UBASH3B: variants seen among roughly 807,000 people sequenced by gnomAD.
The protein encoded by UBASH3B is ubiquitin-associated and SH3 domain-containing protein B.
UBASH3B carries 37 observed loss-of-function variants against 83.4 expected under a neutral mutation model. The ratio of observed to expected loss-of-function variants is 0.44; its 90% CI spans 0.34 to 0.58. UBASH3B has a LOEUF of 0.58. UBASH3B is among the 20% of genes least tolerant of loss of function. The pLI is 0.01. For missense variants in UBASH3B, 657 were observed against 827.2 expected, an observed-to-expected ratio of 0.79 and a Z score of 2.52; for synonymous variants, 304 against 318.3, an observed-to-expected ratio of 0.96 and a Z score of 0.48.
intron 1 of UBASH3B, among the ~76,000 whole-genome samples, chr11:122,741,084 C>T (rs11218788): frequency 0.33 from 50,343 of 152,018 alleles, 10,054 homozygotes; most frequent in Middle Eastern, 0.5. Flanking sequence ...CCAGGTTATT[C>T]GCTCTTTTCA....
chr11:122,689,981 G>T (rs1863861410), intron 1 of UBASH3B, among the ~76,000 whole-genome samples: 1 of 151,402 alleles, frequency 6.6e-6, no homozygotes, highest in Non-Finnish European at 1.5e-5. Flanking sequence ...ACCAAACCCC[G>T]CCTTCTTGGG....
chr11:122,665,391 C>T (rs1863502807), intron 1 of UBASH3B, among the ~76,000 whole-genome samples: 2 of 152,132 alleles, frequency 1.3e-5, no homozygotes, highest in South Asian at 4.2e-4. Flanking sequence ...GGGGGTCTCA[C>T]TACATTGCCC....
chr11:122,681,135 GCT>G (rs1263439749), intron 1 of UBASH3B, among the ~76,000 whole-genome samples: 2 of 152,156 alleles, frequency 1.3e-5, no homozygotes, highest in Non-Finnish European at 2.9e-5. Flanking sequence ...TTGAAACCTT[GCT>G]CTTTCATAGT....
rs144321725 is a variant in UBASH3B at position 122,761,023 on chromosome 11, G to A, written c.162-15196G>A. ...TGACCAGCAGGATGGGTTTGACTGC[G>A]CAGGAGTTTTTGCCATGACGGTATT... On this transcript the variant is annotated intron_variant, in intron 1 of 13. Coordinates refer to ENST00000284273, the MANE Select transcript of UBASH3B (RefSeq NM_032873.5). Among the ~76,000 whole-genome samples the A allele has an allele frequency of 1.7e-3, 256 of 152,298 alleles. 2 individuals carry two copies. The highest frequency in any genetic ancestry group is 6.1e-3 in the African/African-American group (252 of 41,554).
intron 1 of UBASH3B, among the ~76,000 whole-genome samples, chr11:122,660,933 C>G (rs147505124): frequency 1.3e-3 from 194 of 152,280 alleles, no homozygotes; most frequent in African/African-American, 4.2e-3. Context: ...TCTATTTAAC[C>G]TCTTTTCCTT....
chr11:122,674,484 C>T (rs957692943), intron 1 of UBASH3B, among the ~76,000 whole-genome samples: 2 of 151,094 alleles, frequency 1.3e-5, no homozygotes, highest in Non-Finnish European at 2.9e-5. Flanking sequence ...CGGTTCACGC[C>T]ATTCTCCTGC....
At chr11:122,693,066 T>C (rs1296492973) in intron 1 of UBASH3B, among the ~76,000 whole-genome samples, 5 of 152,168 alleles carry the variant, frequency 3.3e-5, no homozygotes, top group Middle Eastern at 3.4e-3. Context: ...ACAAAGTACA[T>C]TCTCAAGGGT....
chr11:122,680,015 G>A (rs571566694), intron 1 of UBASH3B, among the ~76,000 whole-genome samples: 7 of 152,216 alleles, frequency 4.6e-5, no homozygotes, highest in Admixed American at 4.6e-4. Context: ...ATTTTTAGTA[G>A]AGATGGGGTT....
chr11:122,690,852 T>C (rs966959667), intron 1 of UBASH3B, among the ~76,000 whole-genome samples: 7 of 152,198 alleles, frequency 4.6e-5, no homozygotes, highest in South Asian at 4.1e-4. Context: ...GAGTCAGACT[T>C]GTCATCTTGC....
intron 1 of UBASH3B, among the ~76,000 whole-genome samples, chr11:122,754,355 A>G (rs1253262449): frequency 6.6e-6 from 1 of 152,224 alleles, no homozygotes; most frequent in African/African-American, 2.4e-5. Flanking sequence ...TTCCTGAAGA[A>G]TCATTCTTTT....
Position 122,777,192 on chromosome 11 carries a change from A to T in UBASH3B, c.384A>T (p.Thr128=). 1 of 1,612,522 alleles carries T rather than the reference A, an allele frequency of 6.2e-7. No individual in the cohort carries two copies. Among genetic ancestry groups the T allele is most frequent in the South Asian group, 1.1e-5 (1 of 90,854 alleles). The stretch of plus-strand genomic sequence containing the variant: ...CACACAACATCTTCCCCCACATCAC[A>T]CTCTGCCAGTTCTTTATGGTGAGCG... ...NKAHNIFPHI[T]LCQFFMCEDS... Residue 128 remains threonine (T), a synonymous_variant, in exon 3 of 14, where the codon ACA becomes ACT. Coordinates refer to ENST00000284273, the MANE Select transcript of UBASH3B (RefSeq NM_032873.5).
intron 6 of UBASH3B, among the ~76,000 whole-genome samples, chr11:122,791,731 G>T (rs1861058040): frequency 6.6e-6 from 1 of 152,170 alleles, no homozygotes; most frequent in Non-Finnish European, 1.5e-5. Context: ...TGGCATGGTG[G>T]GAGTTGCCCA....
Position 122,812,770 on chromosome 11 carries a change from G to A in UBASH3B, c.*2884G>A, listed in dbSNP as rs529975484. The A allele has an allele frequency of 1.1e-4, 17 of 152,276 alleles. No individual in the cohort carries two copies. Among genetic ancestry groups the A allele is most frequent in the African/African-American group, 3.8e-4 (16 of 41,562 alleles). The allele number at this position is 152,276 out of a possible 1,614,324, so 9.4% of individuals were successfully genotyped here. On this transcript the variant is annotated 3_prime_UTR_variant, in exon 14 of 14. Transcript: ENST00000284273. The stretch of plus-strand genomic sequence containing the variant: ...TTGTTTCCTGTGATTTTAAAATACC[G>A]CGTCTGTTCCTCCATGGACCAGAGT...
At chr11:122,720,381 A>G (rs763453466) in intron 1 of UBASH3B, among the ~76,000 whole-genome samples, 6 of 152,086 alleles carry the variant, frequency 3.9e-5, no homozygotes, top group Admixed American at 6.5e-5. Context: ...TCTTGCTTGT[A>G]TTATTGCAAT....
chr11:122,802,765 C>G (rs968689635), intron 11 of UBASH3B, among the ~76,000 whole-genome samples: 10 of 152,130 alleles, frequency 6.6e-5, no homozygotes, highest in African/African-American at 2.4e-4. Flanking sequence ...GTTCTATCCC[C>G]TCTCTGGCCA....
intron 1 of UBASH3B, chr11:122,774,114 A>G: frequency 1.0e-6 from 1 of 984,962 alleles, no homozygotes; most frequent in Non-Finnish European, 1.2e-6. Flanking sequence ...GTGAGGAAAC[A>G]GACAAGGCTG....
At chr11:122,707,018 G>T (rs562028281) in intron 1 of UBASH3B, among the ~76,000 whole-genome samples, 1 of 152,286 alleles carries the variant, frequency 6.6e-6, no homozygotes, top group East Asian at 1.9e-4. Context: ...TTTATTCTGA[G>T]ATGGTACCCT....
chr11:122,664,632 C>G (rs1430769877), intron 1 of UBASH3B, among the ~76,000 whole-genome samples: 1 of 152,144 alleles, frequency 6.6e-6, no homozygotes, highest in African/African-American at 2.4e-5. Flanking sequence ...ATAGGTGATC[C>G]CTTTTCTTGT....
intron 1 of UBASH3B, among the ~76,000 whole-genome samples, chr11:122,676,799 C>T (rs754337940): frequency 7.9e-5 from 12 of 152,210 alleles, no homozygotes; most frequent in Non-Finnish European, 1.5e-4. Flanking sequence ...TTCTGTATTT[C>T]CTGGCATCAC....
Sources: gnomAD v4.1 joint callset for allele counts (sites outside exome capture counted in the v4.1 genomes callset) on GRCh38, gnomAD v4.1.1 for gene constraint, MANE v1.5 for transcripts, NCBI Gene and HGNC (gene_info 2026-07-23, HGNC 2026-07-21) for gene names.